Variants in FOXN3 observed in about 807,000 individuals in gnomAD.
FOXN3 encodes the protein forkhead box protein N3.
FOXN3 carries 7 observed loss-of-function variants against 38.4 expected under a neutral mutation model. That is an observed-to-expected ratio of 0.18 (90% CI 0.10 to 0.34). The LOEUF is 0.34. Among genes scored for constraint, FOXN3 ranks in the 10% least tolerant of loss-of-function variants. The pLI is 1.00. For synonymous variants in FOXN3, 230 were observed against 242.2 expected (o/e 0.95, Z 0.47); for missense variants, 456 against 613.4 (o/e 0.74, Z 2.71).
At chr14:89,427,301 C>CATTTTT (rs770502014) in intron 1 of FOXN3, among the ~76,000 whole-genome samples, 1 of 67,744 alleles carries the variant, frequency 1.5e-5, no homozygotes, top group Non-Finnish European at 2.5e-5. Flanking sequence ...GAAAAGGGGA[C>CATTTTT]TTTTTTTTTT....
rs80289518 is a variant in FOXN3, at chr14:89,599,265, C to T, written c.-15+19763G>A. 9.6e-3 allele frequency among the ~76,000 whole-genome samples: 1,466 copies of T among 152,240 alleles called. 14 individuals carry two copies. The highest frequency in any genetic ancestry group is 0.033 in the African/African-American group (1,379 of 41,554). On this transcript the variant is annotated intron_variant, in intron 1 of 6. Transcript: ENST00000345097. The stretch of plus-strand genomic sequence containing the variant: ...GCATAAAATTCACCCATTGTAAGTA[C>T]ACATTCAATGGTTTTAGTCATTAAT...
chr14:89,345,805 C>T lies in FOXN3; in HGVS notation c.680+4867G>A, dbSNP rs562772418. On this transcript the variant is annotated intron_variant, in intron 3 of 5. Transcript: ENST00000557258. ...GGGCACAGTGGCTCACGCCTGTAATCCCACTTAGGGAGACCGAGGTGGTGG... is the reference window on the plus strand; with the variant it reads ...GGGCACAGTGGCTCACGCCTGTAATTCCACTTAGGGAGACCGAGGTGGTGG... Among the ~76,000 whole-genome samples, 13 of 152,344 alleles carry T rather than the reference C, an allele frequency of 8.5e-5. No individual in the cohort carries two copies. The South Asian group carries it at 2.7e-3, about 32-fold the overall frequency.
chr14:89,256,911 T>C (rs1350190726), intron 4 of FOXN3, among the ~76,000 whole-genome samples: 1 of 152,194 alleles, frequency 6.6e-6, no homozygotes, highest in East Asian at 1.9e-4. Flanking sequence ...CCTCTGCAAG[T>C]CTACTTTTCA....
At chr14:89,419,255 G>A (rs1453085310), upstream of FOXN3, 4 of 453,304 alleles carry the variant, frequency 8.8e-6, no homozygotes, top group African/African-American at 6.0e-5. Flanking sequence ...TCTGCCTGTC[G>A]GTCTATCTGA....
chr14:89,313,305 C>T (rs897619011), intron 3 of FOXN3, among the ~76,000 whole-genome samples: 2 of 152,210 alleles, frequency 1.3e-5, no homozygotes, highest in Non-Finnish European at 2.9e-5. Flanking sequence ...GCGGCTCACA[C>T]CTGTAATCCC....
At chr14:89,375,624 A>G (rs1015558973) in intron 2 of FOXN3, among the ~76,000 whole-genome samples, 1 of 152,250 alleles carries the variant, frequency 6.6e-6, no homozygotes, top group Non-Finnish European at 1.5e-5. Flanking sequence ...GAACCAAGCA[A>G]AGAGATATAA....
chr14:89,461,338 A>G (rs1332152270), intron 1 of FOXN3, among the ~76,000 whole-genome samples: 1 of 147,098 alleles, frequency 6.8e-6, no homozygotes, highest in Admixed American at 6.8e-5. Context: ...CTCTGTCTCA[A>G]AAAAAAAAAA....
intron 1 of FOXN3, among the ~76,000 whole-genome samples, chr14:89,460,878 A>G (rs541572473): frequency 6.6e-6 from 1 of 151,798 alleles, no homozygotes; most frequent in African/African-American, 2.4e-5. Context: ...AAAATACAAA[A>G]TTAGTCAGGC....
rs146455993 is a variant in FOXN3 at position 89,357,109 on chromosome 14, A to G, written c.544-6301T>C. On this transcript the variant is annotated intron_variant, in intron 2 of 5. Transcript: ENST00000557258. ...CTCACACCTGTAATCCCAGCACTTTAGGAGGCCAAGGCAGAAGGACAGCAT... is the reference window on the plus strand; with the variant it reads ...CTCACACCTGTAATCCCAGCACTTTGGGAGGCCAAGGCAGAAGGACAGCAT... Among the ~76,000 whole-genome samples, 42 of 152,152 alleles carry G rather than the reference A, an allele frequency of 2.8e-4. No individual in the cohort carries two copies. The East Asian group carries it at 6.6e-3, about 24-fold the overall frequency.
intron 5 of FOXN3, among the ~76,000 whole-genome samples, chr14:89,177,763 C>T (rs1174584623): frequency 1.3e-5 from 2 of 152,106 alleles, no homozygotes; most frequent in Non-Finnish European, 2.9e-5. Context: ...TTTTCCAGCA[C>T]TTGCAGAACT....
At chr14:89,500,175 A>AAG (rs1893767295) in intron 1 of FOXN3, among the ~76,000 whole-genome samples, 1 of 152,064 alleles carries the variant, frequency 6.6e-6, no homozygotes, top group Non-Finnish European at 1.5e-5. Flanking sequence ...TTACACCATG[A>AAG]ATTTCATTTA....
chr14:89,394,337 G>A (rs1891048343), intron 2 of FOXN3, among the ~76,000 whole-genome samples: 1 of 150,048 alleles, frequency 6.7e-6, no homozygotes, highest in African/African-American at 2.5e-5. Flanking sequence ...CCTGGTAGCT[G>A]CGATTACAGG....
chr14:89,329,856 A>C (rs1196315969), intron 3 of FOXN3, among the ~76,000 whole-genome samples: 3 of 14,886 alleles, frequency 2.0e-4, no homozygotes, highest in Admixed American at 8.0e-4. Flanking sequence ...ACTCAGTCTC[A>C]AAAAAAAAAA....
At chr14:89,233,622 A>G (rs147506613) in intron 4 of FOXN3, among the ~76,000 whole-genome samples, 242 of 152,152 alleles carry the variant, frequency 1.6e-3, no homozygotes, top group African/African-American at 5.3e-3. Context: ...CCCAGTAAAC[A>G]CAGTCTAATG....
chr14:89,213,144 A>C (rs1442218822), intron 4 of FOXN3, among the ~76,000 whole-genome samples: 1 of 152,114 alleles, frequency 6.6e-6, no homozygotes, highest in African/African-American at 2.4e-5. Flanking sequence ...ATAGAATGTG[A>C]CCACACACCT....
chr14:89,517,963 T>C (rs933720269), intron 1 of FOXN3, among the ~76,000 whole-genome samples: 1 of 152,192 alleles, frequency 6.6e-6, no homozygotes, highest in African/African-American at 2.4e-5. Flanking sequence ...ACACATCCAA[T>C]TATTTTAAAA....
chr14:89,594,398 A>G (rs776903290), intron 1 of FOXN3, among the ~76,000 whole-genome samples: 1 of 152,216 alleles, frequency 6.6e-6, no homozygotes, highest in Admixed American at 6.5e-5. Context: ...TTTCAACTGT[A>G]GGCATTGTGG....
intron 4 of FOXN3, among the ~76,000 whole-genome samples, chr14:89,229,061 A>G (rs185269035): frequency 2.6e-5 from 4 of 152,190 alleles, no homozygotes; most frequent in African/African-American, 9.7e-5. Flanking sequence ...GTAATAAGCA[A>G]TCAGAACAAC....
At chr14:89,208,251 C>A (rs1215971572) in intron 4 of FOXN3, among the ~76,000 whole-genome samples, 1 of 152,192 alleles carries the variant, frequency 6.6e-6, no homozygotes, top group Non-Finnish European at 1.5e-5. Context: ...ATTGGCGTGA[C>A]AATGATGGGC....
Sources: gnomAD v4.1 joint callset for allele counts (sites outside exome capture counted in the v4.1 genomes callset) on GRCh38, gnomAD v4.1.1 for gene constraint, MANE v1.5 for transcripts, NCBI Gene and HGNC (gene_info 2026-07-23, HGNC 2026-07-21) for gene names.